EHMT1: variants seen among roughly 807,000 people sequenced by gnomAD.
The protein encoded by EHMT1 is histone-lysine N-methyltransferase EHMT1.
EHMT1 carries 15 observed loss-of-function variants against 147.2 expected under a neutral mutation model. The observed-to-expected ratio is 0.10, with a 90% CI of 0.07 to 0.16. EHMT1 has a LOEUF of 0.16. Among genes scored for constraint, EHMT1 ranks in the 10% least tolerant of loss-of-function variants. EHMT1 has a pLI of 1.00. For missense variants in EHMT1, 1,587 were observed against 1,772.4 expected, an observed-to-expected ratio of 0.90 and a Z score of 1.88; for synonymous variants, 795 against 709.6, an observed-to-expected ratio of 1.12 and a Z score of -1.91.
At chr9:137,805,374 G>C (rs370043400) in intron 18 of EHMT1, among the ~76,000 whole-genome samples, 3 of 152,076 alleles carry the variant, frequency 2.0e-5, no homozygotes, top group African/African-American at 7.2e-5. Flanking sequence ...TCAGTCATCC[G>C]CATGTGTGAG....
At chr9:137,620,649 T>C (rs1554820041) in intron 1 of EHMT1, among the ~76,000 whole-genome samples, 1 of 152,146 alleles carries the variant, frequency 6.6e-6, no homozygotes, top group Non-Finnish European at 1.5e-5. Flanking sequence ...TGCCTCCGCC[T>C]CCCTAAGTGC....
intron 4 of EHMT1, among the ~76,000 whole-genome samples, chr9:137,729,247 G>A (rs931554107): frequency 2.0e-5 from 3 of 152,256 alleles, no homozygotes; most frequent in Middle Eastern, 3.4e-3. Flanking sequence ...GCTTCACTTG[G>A]GGATGATCAC....
At chr9:137,760,821 A>C (rs1236985864) in intron 9 of EHMT1, among the ~76,000 whole-genome samples, 2 of 152,320 alleles carry the variant, frequency 1.3e-5, no homozygotes, top group East Asian at 3.9e-4. Flanking sequence ...CATCCTGGCT[A>C]ACACAGTGAA....
intron 3 of EHMT1, among the ~76,000 whole-genome samples, chr9:137,718,163 A>AT (rs1433580266): frequency 6.9e-6 from 1 of 145,126 alleles, no homozygotes; most frequent in Non-Finnish European, 1.5e-5. Flanking sequence ...CACCGTGCTG[A>AT]TTTTCACACA....
At chr9:137,810,679 G>A (rs1385857841) in intron 18 of EHMT1, among the ~76,000 whole-genome samples, 3 of 151,728 alleles carry the variant, frequency 2.0e-5, no homozygotes, top group African/African-American at 7.3e-5. Flanking sequence ...ATTTAAAAGA[G>A]GCCTTTTTTA....
intron 1 of EHMT1, among the ~76,000 whole-genome samples, chr9:137,666,622 G>T (rs1362684341): frequency 2.0e-5 from 3 of 152,218 alleles, no homozygotes; most frequent in African/African-American, 7.2e-5. Flanking sequence ...GTCCGCCTTG[G>T]CTGTGAGGAT....
intron 1 of EHMT1, among the ~76,000 whole-genome samples, chr9:137,648,121 A>T (rs994820001): frequency 6.6e-6 from 1 of 152,114 alleles, no homozygotes; most frequent in South Asian, 2.1e-4. Flanking sequence ...ATGTGTTAAA[A>T]TCTATTTTCA....
intron 10 of EHMT1, among the ~76,000 whole-genome samples, chr9:137,767,896 C>T (rs1038346236): frequency 6.6e-6 from 1 of 152,118 alleles, no homozygotes; most frequent in Non-Finnish European, 1.5e-5. Flanking sequence ...GATTTTGGAA[C>T]ATTTTGCATT....
chr9:137,743,244 G>A, intron 4 of EHMT1, 127 bp from the exon 5 acceptor site: 1 of 1,251,998 alleles, frequency 8.0e-7, no homozygotes, highest in Non-Finnish European at 1.1e-6. Flanking sequence ...CAGTGGGCCT[G>A]TTGTGATGGG....
chr9:137,662,543 A>G (rs1212373449), intron 1 of EHMT1, among the ~76,000 whole-genome samples: 2 of 152,094 alleles, frequency 1.3e-5, no homozygotes. Context: ...TCTGTTGCCC[A>G]GGCTGTAGTG....
intron 1 of EHMT1, among the ~76,000 whole-genome samples, chr9:137,684,652 CGGCTA>C (rs1942267562): frequency 6.6e-6 from 1 of 151,880 alleles, no homozygotes; most frequent in African/African-American, 2.4e-5. Context: ...CCATTAGGCC[CGGCTA>C]ATTTTTTCAA....
At chr9:137,834,300 G>A (rs758354753) in intron 25 of EHMT1, 49 bp from the exon 26 acceptor site, 10 of 1,608,216 alleles carry the variant, frequency 6.2e-6, no homozygotes, top group South Asian at 1.1e-5. Flanking sequence ...CGAGGCCGGC[G>A]TGTCGGGGCC....
At chr9:137,674,972 A>G (rs1489780854) in intron 1 of EHMT1, 2 of 152,202 alleles carry the variant, frequency 1.3e-5, no homozygotes, top group Non-Finnish European at 2.9e-5. Flanking sequence ...AGGACCAGGT[A>G]TGTGGGGTGT....
intron 14 of EHMT1, among the ~76,000 whole-genome samples, chr9:137,781,069 C>CA: frequency 1.8e-5 from 1 of 55,792 alleles, no homozygotes; most frequent in Non-Finnish European, 3.3e-5. Context: ...GTGATGACGC[C>CA]GGGATGTGTG....
In EHMT1 at chr9:137,768,529, ATTTTTTTTTTTTTTTTTT is replaced by A. The variant is rs947901899; in HGVS notation, c.1647+5730_1647+5747del. On this transcript the variant is annotated intron_variant, in intron 10 of 26. Transcript: ENST00000460843. ...CCACCACGCCCGGCTAATTTTTTGTATTTTTTTTTTTTTTTTTTTTTTTTTTTTTTTTTTTTTTGAGAC... is the reference window on the plus strand; with the variant it reads ...CCACCACGCCCGGCTAATTTTTTGTATTTTTTTTTTTTTTTTTTTTGAGAC... Among the ~76,000 whole-genome samples the A allele has an allele frequency of 2.7e-3, 50 of 18,282 alleles. 1 individual carries two copies. The highest frequency in any genetic ancestry group is 0.021 in the South Asian group (7 of 334). The allele number at this position is 18,282 out of a possible 152,430, so 12.0% of individuals were successfully genotyped here. A position where few individuals can be genotyped will look rare whatever the true frequency, so the allele number is the denominator to read the frequency against.
chr9:137,822,863 A>G (rs1394081604), intron 25 of EHMT1, among the ~76,000 whole-genome samples: 1 of 149,106 alleles, frequency 6.7e-6, no homozygotes, highest in Non-Finnish European at 1.5e-5. Flanking sequence ...ATTGCACTGT[A>G]GGCCTGGGCA....
Position 137,743,547 on chromosome 9 carries a change from T to C in EHMT1, c.981+19T>C, listed in dbSNP as rs1279502955. On this transcript the variant is annotated intron_variant, in intron 5 of 26. Coordinates refer to ENST00000460843, the MANE Select transcript of EHMT1 (RefSeq NM_024757.5). ...TTCCAAGGTAAGAGACGCATTTGAG[T>C]GAGTTGCCACGTGTGCGTGGAAATG... The C allele has an allele frequency of 1.9e-6, 3 of 1,613,820 alleles. No homozygotes were observed. The African/African-American group carries it at 4.0e-5, about 22-fold the overall frequency.
rs1949930225 is a variant in EHMT1 at position 137,762,779 on chromosome 9, G to A, written c.1606G>A (p.Ala536Thr). 6.2e-7 allele frequency: 1 copy of A among 1,614,102 alleles called. No homozygotes were observed. The highest frequency in any genetic ancestry group is 8.5e-7 in the Non-Finnish European group (1 of 1,180,052). ...GAAGAGTCGAGAGATCACCACACTG[G>A]CCAACAACCAGTGCATGGCTACAGA... is the stretch of plus-strand genomic sequence containing the variant. Reference protein sequence around the residue: ...TPKSREITTLANNQCMATESV... With the variant: ...TPKSREITTLTNNQCMATESV... The change falls in exon 10 of 27, where the codon GCC becomes ACC. Residue 536 changes from alanine (A) to threonine (T), a missense_variant. By Grantham distance (58) the Ala-to-Thr change is moderately conservative. Transcript: ENST00000460843.
intron 3 of EHMT1, among the ~76,000 whole-genome samples, chr9:137,724,087 G>A (rs754876398): frequency 6.6e-6 from 1 of 152,190 alleles, no homozygotes; most frequent in African/African-American, 2.4e-5. Context: ...GTCAGCATGG[G>A]GCCCCTTGTT....
Sources: gnomAD v4.1 joint callset for allele counts (sites outside exome capture counted in the v4.1 genomes callset) on GRCh38, gnomAD v4.1.1 for gene constraint, MANE v1.5 for transcripts, NCBI Gene and HGNC (gene_info 2026-07-23, HGNC 2026-07-21) for gene names.